The following EARS2 variants were observed in gnomAD, a reference collection of about 807,000 sequenced individuals.
EARS2 encodes nondiscriminating glutamyl-tRNA synthetase EARS2, mitochondrial.
A neutral mutation model predicts 54.1 loss-of-function variants in EARS2; 50 were observed. That is an observed-to-expected ratio of 0.92 (90% CI 0.74 to 1.17). EARS2 has a LOEUF of 1.17. Ranked by LOEUF, EARS2 falls within the 50% of genes most tolerant of loss-of-function variation. The probability of loss-of-function intolerance (pLI) is 0.00; values close to 1 mark genes in which losing one functional copy is unlikely to be tolerated. For synonymous variants in EARS2, 298 were observed against 281.0 expected, an observed-to-expected ratio of 1.06 and a Z score of -0.61; for missense variants, 673 against 675.0, an observed-to-expected ratio of 1.00 and a Z score of 0.03.
chr16:23,547,002 A>G (rs1965613902), intron 2 of EARS2, among the ~76,000 whole-genome samples: 2 of 152,210 alleles, frequency 1.3e-5, no homozygotes, highest in Non-Finnish European at 2.9e-5. Flanking sequence ...GTATCTTGGA[A>G]TGCCCCAGGG....
intron 5 of EARS2, among the ~76,000 whole-genome samples, chr16:23,532,035 A>T (rs1286495531): frequency 5.9e-5 from 9 of 152,020 alleles, no homozygotes; most frequent in African/African-American, 1.9e-4. Context: ...CTGGTCTCGA[A>T]CTCCTGACCT....
At chr16:23,525,798 C>T (rs928286688) in intron 7 of EARS2, among the ~76,000 whole-genome samples, 2 of 151,946 alleles carry the variant, frequency 1.3e-5, no homozygotes, top group Non-Finnish European at 2.9e-5. Flanking sequence ...GTGTTCGAGA[C>T]CAACCTGGCC....
intron 5 of EARS2, among the ~76,000 whole-genome samples, chr16:23,532,099 C>T (rs550007202): frequency 3.5e-4 from 53 of 152,308 alleles, no homozygotes; most frequent in Middle Eastern, 3.4e-3. Context: ...AGGTGTGAGC[C>T]GCCACACCCA....
At chr16:23,551,452 C>A (rs908706615) in intron 2 of EARS2, among the ~76,000 whole-genome samples, 3 of 151,854 alleles carry the variant, frequency 2.0e-5, no homozygotes, top group Non-Finnish European at 4.4e-5. Context: ...CTCATCTCTA[C>A]AAAAAAATTA....
intron 3 of EARS2, 96 bp from the exon 4 acceptor site, chr16:23,535,456 G>T: frequency 8.8e-7 from 1 of 1,140,288 alleles, no homozygotes; most frequent in Non-Finnish European, 1.2e-6. Flanking sequence ...AAGCAAGTCA[G>T]TTACTGCTGC....
At chr16:23,524,576 G>GAA in intron 8 of EARS2, 122 bp from the exon 9 acceptor site, 1 of 819,554 alleles carries the variant, frequency 1.2e-6, no homozygotes, top group Non-Finnish European at 2.1e-6. Context: ...GTGTTCTGAG[G>GAA]ATCAGTGCTT....
chr16:23,532,005 G>GT (rs1965335353), intron 5 of EARS2, among the ~76,000 whole-genome samples: 1 of 152,114 alleles, frequency 6.6e-6, no homozygotes, highest in Non-Finnish European at 1.5e-5. Context: ...TAGAGACAGG[G>GT]TTTCACCATG....
chr16:23,534,788 G>T, intron 4 of EARS2, 100 bp downstream of exon 4: 2 of 1,047,268 alleles, frequency 1.9e-6, no homozygotes, highest in Non-Finnish European at 2.7e-6. Context: ...CTGGCTGGTA[G>T]GTGGCAAAGC....
chr16:23,528,523 C>T (rs950278133), intron 7 of EARS2, among the ~76,000 whole-genome samples: 1 of 152,184 alleles, frequency 6.6e-6, no homozygotes, highest in Admixed American at 6.5e-5. Context: ...TTTCCTGACT[C>T]GAGAGGGAGT....
At chr16:23,544,203 C>T (rs1039997889) in intron 3 of EARS2, among the ~76,000 whole-genome samples, 24 of 152,156 alleles carry the variant, frequency 1.6e-4, no homozygotes, top group Non-Finnish European at 3.5e-4. Flanking sequence ...GAGAGGCTCG[C>T]ATGGCAAAGA....
intron 2 of EARS2, among the ~76,000 whole-genome samples, chr16:23,545,724 T>C (rs1013919346): frequency 3.3e-5 from 5 of 152,210 alleles, no homozygotes; most frequent in African/African-American, 1.2e-4. Context: ...AGTGCAGTGG[T>C]GTGATCATAG....
Position 23,557,237 on chromosome 16 carries a change from G to A in EARS2, c.107C>T (p.Ala36Val). The change falls in exon 1 of 9, where the codon GCG becomes GTG. Residue 36 changes from alanine (A) to valine (V), a missense_variant. Physicochemically the swap from Ala to Val is moderately conservative, Grantham distance 64 (BLOSUM62 0). This residue lies in a region of EARS2 where 316 missense variants were observed against 275.2 expected (regional missense o/e 1.15). Coordinates refer to ENST00000449606, the MANE Select transcript of EARS2 (RefSeq NM_001083614.2). ...EANLGTDAGV[A>V]VRVRFAPSPT... ...GCTGGGAGCGAACCGCACTCGCACC[G>A]CAACCCCGGCATCAGTGCCCAGGTT... 2 of 1,517,922 alleles carry A rather than the reference G, an allele frequency of 1.3e-6. No individual in the cohort carries two copies. The highest frequency in any genetic ancestry group is 8.8e-7 in the Non-Finnish European group (1 of 1,142,466). 94.0% of individuals were successfully genotyped at this position (1,517,922 alleles called of 1,614,324 possible). A position where few individuals can be genotyped will look rare whatever the true frequency, so the allele number is the denominator to read the frequency against.
intron 8 of EARS2, among the ~76,000 whole-genome samples, 192 bp from the exon 9 acceptor site, chr16:23,524,646 CTTT>C (rs1172358291): frequency 3.0e-5 from 4 of 132,662 alleles, no homozygotes; most frequent in Admixed American, 7.7e-5. Flanking sequence ...AACCACCGCC[CTTT>C]TTTTTTTTTT....
intron 8 of EARS2, 102 bp downstream of exon 8, chr16:23,525,142 C>T: frequency 2.0e-6 from 3 of 1,524,072 alleles, no homozygotes; most frequent in Admixed American, 1.7e-5. Flanking sequence ...TTTCATTCAC[C>T]TTTGTATACT....
rs957684343 is a variant in EARS2 at position 23,535,245 on chromosome 16, G to A, written c.601C>T (p.Leu201=). Residue 201 remains leucine (L), a synonymous_variant, in exon 4 of 9, where the codon CTG becomes TTG. Transcript: ENST00000449606. ...LEQVVPAFQD[L]VYGWNRHEVA... Reference sequence around the variant, plus strand: ...TCATGCCTATTCCAGCCATAGACCAGGTCCTGGAAGGCTGGCACCACCTGC... The same window carrying A: ...TCATGCCTATTCCAGCCATAGACCAAGTCCTGGAAGGCTGGCACCACCTGC... 1 of 1,612,206 alleles carries A rather than the reference G, an allele frequency of 6.2e-7. No individual in the cohort carries two copies. Among genetic ancestry groups the A allele is most frequent in the Non-Finnish European group, 8.5e-7 (1 of 1,180,022 alleles).
intron 2 of EARS2, chr16:23,546,425 G>C (rs1202113154): frequency 4.4e-6 from 2 of 455,866 alleles, no homozygotes; most frequent in Non-Finnish European, 8.8e-6. Flanking sequence ...TCTGGGCTCT[G>C]GGTTCTCATC....
chr16:23,527,550 CTTTTTTTTTT>C (rs33925429), intron 7 of EARS2, among the ~76,000 whole-genome samples: 1,563 of 84,576 alleles, frequency 0.018, 35 homozygotes, highest in African/African-American at 0.066. Flanking sequence ...AGTGATCGTT[CTTTTTTTTTT>C]TTTTTTTTTT....
At chr16:23,546,307 G>C (rs1965601855) in intron 2 of EARS2, 1 of 439,384 alleles carries the variant, frequency 2.3e-6, no homozygotes, top group Admixed American at 2.6e-5. Context: ...GAATTGGGAA[G>C]ATAAGGACAT....
rs1219719288 is a variant in EARS2, at chr16:23,521,041, C to T, written c.*3330G>A. On this transcript the variant is annotated 3_prime_UTR_variant, in exon 9 of 9. Transcript: ENST00000449606. ...TCCCGGCCTCAAGTGATCTGCCTGCCTTGGCCTCCCAAAATGTTGGGATTC... is the reference window on the plus strand; with the variant it reads ...TCCCGGCCTCAAGTGATCTGCCTGCTTTGGCCTCCCAAAATGTTGGGATTC... 6.6e-6 allele frequency among the ~76,000 whole-genome samples: 1 copy of T among 152,156 alleles called. No individual in the cohort carries two copies. Among genetic ancestry groups the T allele is most frequent in the Non-Finnish European group, 1.5e-5 (1 of 68,024 alleles).
Sources: gnomAD v4.1 joint callset for allele counts (sites outside exome capture counted in the v4.1 genomes callset) on GRCh38, gnomAD v4.1.1 for gene constraint, gnomAD v4.1.1 regional missense constraint, MANE v1.5 for transcripts, NCBI Gene and HGNC (gene_info 2026-07-23, HGNC 2026-07-21) for gene names.